ARFGEF3: variants seen among roughly 807,000 people sequenced by gnomAD.
ARFGEF3 encodes ARFGEF family member 3, also known as brefeldin A-inhibited guanine nucleotide-exchange protein 3.
A neutral mutation model predicts 221.7 loss-of-function variants in ARFGEF3; 96 were observed. The ratio of observed to expected loss-of-function variants is 0.43; its 90% confidence interval spans 0.37 to 0.51. ARFGEF3 has a LOEUF of 0.51. Among genes scored for constraint, ARFGEF3 ranks in the 20% least tolerant of loss-of-function variants. The probability of loss-of-function intolerance (pLI) is 0.00; values close to 1 mark genes in which losing one functional copy is unlikely to be tolerated. For synonymous variants in ARFGEF3, 1,145 were observed against 1,126.8 expected, an observed-to-expected ratio of 1.02 and a Z score of -0.32; for missense variants, 2,410 against 2,789.9, an observed-to-expected ratio of 0.86 and a Z score of 3.07.
chr6:138,199,317 CAGTT>C, intron 2 of ARFGEF3, among the ~76,000 whole-genome samples: 1 of 152,290 alleles, frequency 6.6e-6, no homozygotes, highest in East Asian at 1.9e-4. Context: ...GAAATTCAGA[CAGTT>C]ATTTGATAAA....
chr6:138,176,460 C>A (rs1047373339), intron 2 of ARFGEF3, among the ~76,000 whole-genome samples: 1 of 152,166 alleles, frequency 6.6e-6, no homozygotes, highest in African/African-American at 2.4e-5. Flanking sequence ...GGATTACAGG[C>A]CTGAGCCACT....
At chr6:138,208,896 G>A (rs1777669579) in intron 3 of ARFGEF3, among the ~76,000 whole-genome samples, 1 of 152,176 alleles carries the variant, frequency 6.6e-6, no homozygotes, top group Non-Finnish European at 1.5e-5. Flanking sequence ...ACAAGACTTA[G>A]GTGGACCTGA....
chr6:138,253,981 T>C lies in ARFGEF3; in HGVS notation c.767T>C (p.Ile256Thr). ...CTGCACAGGCGCTTCACGGACCTGA[T>C]CTGGTGAGCACCCACTCCTGACGCC... ...MHLHRRFTDL[I>T]WKNLCPALIV... is the part of the protein sequence containing the mutation. Residue 256 changes from isoleucine to threonine, a missense_variant, in exon 9 of 34, where the codon ATC becomes ACC. By Grantham distance (89) the Ile-to-Thr change is moderately conservative. Transcript: ENST00000251691. The C allele has an allele frequency of 6.3e-7, 1 of 1,576,154 alleles. No homozygotes were observed. Among genetic ancestry groups the C allele is most frequent in the Non-Finnish European group, 8.6e-7 (1 of 1,162,866 alleles).
Position 138,189,992 on chromosome 6 carries a change from G to C in ARFGEF3, c.138-17050G>C, listed in dbSNP as rs147753118. Among the ~76,000 whole-genome samples the C allele has an allele frequency of 2.4e-3, 362 of 152,138 alleles. 1 individual carries two copies. The highest frequency in any genetic ancestry group is 8.2e-3 in the African/African-American group (342 of 41,514). On this transcript the variant is annotated intron_variant, in intron 2 of 33. Coordinates refer to ENST00000251691, the MANE Select transcript of ARFGEF3 (RefSeq NM_020340.5). ...TCAGGTACCTGGGAGACTGAGGTGG[G>C]AGGATCACTTGAGCCTGGGAGGTTG...
intron 12 of ARFGEF3, among the ~76,000 whole-genome samples, chr6:138,268,654 A>G (rs1401708229): frequency 1.3e-5 from 2 of 152,218 alleles, no homozygotes. Flanking sequence ...TTGATCCTGG[A>G]TAGAACAAAG....
chr6:138,240,929 C>T (rs1469042255), intron 6 of ARFGEF3, among the ~76,000 whole-genome samples: 1 of 152,112 alleles, frequency 6.6e-6, no homozygotes, highest in East Asian at 1.9e-4. Context: ...TCTAGCACGG[C>T]CTATCACTGT....
In ARFGEF3 at chr6:138,339,041, C is replaced by T. The variant is rs1291338343; in HGVS notation, c.*2555C>T. Reference sequence around the variant, plus strand: ...TTTTAAGAGTGTTTTGGTACCTTCCCATTGTCTTCTCTATAACTCAGTCCT... The same window carrying T: ...TTTTAAGAGTGTTTTGGTACCTTCCTATTGTCTTCTCTATAACTCAGTCCT... On this transcript the variant is annotated 3_prime_UTR_variant, in exon 34 of 34. Transcript: ENST00000251691. 2 of 152,126 alleles carry T rather than the reference C, an allele frequency of 1.3e-5. No homozygotes were observed. Among genetic ancestry groups the T allele is most frequent in the Non-Finnish European group, 2.9e-5 (2 of 68,042 alleles). The allele number at this position is 152,126 out of a possible 1,614,324, so 9.4% of individuals were successfully genotyped here. A position where few individuals can be genotyped will look rare whatever the true frequency, so the allele number is the denominator to read the frequency against.
rs984161395 is a variant in ARFGEF3 at position 138,334,407 on chromosome 6, A to G, written c.5561A>G (p.Gln1854Arg). The G allele has an allele frequency of 1.9e-6, 3 of 1,612,722 alleles. No individual in the cohort carries two copies. Among genetic ancestry groups the G allele is most frequent in the Admixed American group, 1.7e-5 (1 of 59,810 alleles). ...DDERSTDSSQ[Q>R]CSSEDEDIFE... is the part of the protein sequence containing the mutation. ...GAGAGAAGCACGGATTCTTCCCAGC[A>G]GTGTTCATCTGAGGATGAAGACATC... The change falls in exon 33 of 34, where the codon CAG becomes CGG. Residue 1854 changes from glutamine to arginine, a missense_variant. This residue lies in a region of ARFGEF3 where 723 missense variants were observed against 991.9 expected (regional missense o/e 0.73). Transcript: ENST00000251691. This position sits in a 1 kb window ranked among gnomAD's most constrained non-coding sequence, Gnocchi z 5.1.
At chr6:138,323,275 G>A (rs749713114) in intron 29 of ARFGEF3, among the ~76,000 whole-genome samples, 4 of 152,136 alleles carry the variant, frequency 2.6e-5, no homozygotes, top group Non-Finnish European at 5.9e-5. Flanking sequence ...ACCTGTGCAT[G>A]AGCCCATATG....
At chr6:138,245,695 AC>A in intron 8 of ARFGEF3, 104 bp downstream of exon 8, 1 of 871,014 alleles carries the variant, frequency 1.1e-6, no homozygotes, top group African/African-American at 1.7e-5. Flanking sequence ...GATTATAGGG[AC>A]AATAGTTTCC....
At position 138,278,664 on chromosome 6, in the gene ARFGEF3, T is replaced by C. The variant is rs9494991; in HGVS notation, c.2295+47T>C. ...GGACTGGCAGAGGGCAGGCTGTAACTTCCTGGTGTACAGCCTAGCCTCAGT... is the reference window on the plus strand; with the variant it reads ...GGACTGGCAGAGGGCAGGCTGTAACCTCCTGGTGTACAGCCTAGCCTCAGT... On this transcript the variant is annotated intron_variant, in intron 13 of 33. Coordinates refer to ENST00000251691, the MANE Select transcript of ARFGEF3 (RefSeq NM_020340.5). The C allele has an allele frequency of 0.018, 28,838 of 1,596,230 alleles. 3,907 individuals are homozygous for C. The African/African-American group carries it at 0.32, about 18-fold the overall frequency.
At chr6:138,256,497 T>TCAA (rs1778684077) in intron 10 of ARFGEF3, among the ~76,000 whole-genome samples, 1 of 152,098 alleles carries the variant, frequency 6.6e-6, no homozygotes, top group Non-Finnish European at 1.5e-5. Flanking sequence ...AATTCCCTTG[T>TCAA]TGATGATTAA....
Position 138,192,911 on chromosome 6 carries a change from A to T in ARFGEF3, c.138-14131A>T, listed in dbSNP as rs561281845. Among the ~76,000 whole-genome samples, 6 of 150,142 alleles carry T rather than the reference A, an allele frequency of 4.0e-5. No individual in the cohort carries two copies. In the South Asian group the frequency reaches 1.3e-3, roughly 32 times the overall value. ...GACCAAGAGTAGTTTGACTCCAAAC[A>T]TTTTTTTTTTATGATAGTCTGTTTT... is the stretch of plus-strand genomic sequence containing the variant. On this transcript the variant is annotated intron_variant, in intron 2 of 33. Coordinates refer to ENST00000251691, the MANE Select transcript of ARFGEF3 (RefSeq NM_020340.5).
intron 32 of ARFGEF3, among the ~76,000 whole-genome samples, chr6:138,330,747 T>C (rs912055425): frequency 2.0e-5 from 3 of 152,164 alleles, no homozygotes; most frequent in African/African-American, 7.2e-5. Flanking sequence ...TTGGGTGAAA[T>C]TTCTAGGTAA....
intron 31 of ARFGEF3, among the ~76,000 whole-genome samples, chr6:138,327,300 G>T (rs1479695918): frequency 6.7e-6 from 1 of 150,036 alleles, no homozygotes; most frequent in Non-Finnish European, 1.5e-5. Flanking sequence ...AAATAGCTGG[G>T]CATAGTGGTG....
chr6:138,210,608 C>T (rs889413551), intron 4 of ARFGEF3, among the ~76,000 whole-genome samples: 6 of 151,980 alleles, frequency 3.9e-5, no homozygotes, highest in Admixed American at 3.3e-4. Context: ...ATTGGGGGTC[C>T]GTTATGCTGA....
chr6:138,307,547 G>A (rs1779748488), intron 23 of ARFGEF3, 150 bp downstream of exon 23: 2 of 736,214 alleles, frequency 2.7e-6, no homozygotes, highest in South Asian at 3.8e-5. Context: ...AGGAACATGA[G>A]TCCTGAGTTC....
At chr6:138,181,998 C>G (rs560623046) in intron 2 of ARFGEF3, among the ~76,000 whole-genome samples, 1 of 152,042 alleles carries the variant, frequency 6.6e-6, no homozygotes, top group East Asian at 1.9e-4. Context: ...TCTTTTTCAC[C>G]CTGTAGGACT....
chr6:138,180,627 C>T (rs1192949755), intron 2 of ARFGEF3, among the ~76,000 whole-genome samples: 1 of 152,048 alleles, frequency 6.6e-6, no homozygotes, highest in Non-Finnish European at 1.5e-5. Context: ...AGCTTTAAGA[C>T]ACTTTGGTTA....
Sources: allele counts gnomAD v4.1 joint callset (sites outside exome capture counted in the v4.1 genomes callset), GRCh38; gene constraint gnomAD v4.1.1; regional missense constraint gnomAD v4.1.1; non-coding constraint Gnocchi (gnomAD v3.1); transcripts MANE v1.5; gene names NCBI Gene and HGNC (gene_info 2026-07-23, HGNC 2026-07-21).